Variants in XKR4 observed in about 807,000 individuals in gnomAD.
XKR4 encodes XK-related protein 4.
In XKR4, 12 loss-of-function variants were observed where a neutral mutation model predicts 53.9. The observed-to-expected ratio is 0.22, with a 90% CI of 0.14 to 0.36. The LOEUF is 0.36. XKR4 is among the 10% of genes least tolerant of loss of function. The pLI is 1.00. For synonymous variants in XKR4, 354 were observed against 362.4 expected, an observed-to-expected ratio of 0.98 and a Z score of 0.26; for missense variants, 799 against 859.5, an observed-to-expected ratio of 0.93 and a Z score of 0.88.
intron 1 of XKR4, among the ~76,000 whole-genome samples, chr8:55,343,669 G>T (rs1458022510): frequency 6.6e-6 from 1 of 152,190 alleles, no homozygotes; most frequent in African/African-American, 2.4e-5. Flanking sequence ...GGGCATTGCT[G>T]CTTTCAAGAA....
chr8:55,436,285 C>A (rs1356954567), intron 2 of XKR4, among the ~76,000 whole-genome samples: 1 of 152,152 alleles, frequency 6.6e-6, no homozygotes, highest in East Asian at 1.9e-4. Flanking sequence ...AAAATTTAAC[C>A]CTTGAGAGTC....
intron 2 of XKR4, among the ~76,000 whole-genome samples, chr8:55,498,388 G>A (rs1806388531): frequency 6.6e-6 from 1 of 152,168 alleles, no homozygotes; most frequent in South Asian, 2.1e-4. Context: ...CCTCTGCTTG[G>A]CCCGTGCAGC....
At chr8:55,307,190 G>A (rs1309271473) in intron 1 of XKR4, among the ~76,000 whole-genome samples, 1 of 152,108 alleles carries the variant, frequency 6.6e-6, no homozygotes, top group African/African-American at 2.4e-5. Context: ...CTCTGCTAAG[G>A]GGATGAAAAG....
At chr8:55,513,265 A>G (rs1806655813) in intron 2 of XKR4, among the ~76,000 whole-genome samples, 1 of 152,188 alleles carries the variant, frequency 6.6e-6, no homozygotes, top group African/African-American at 2.4e-5. Context: ...TCCCCTAAAT[A>G]GGCCAGTAAC....
chr8:55,392,344 A>G (rs1173413690), intron 2 of XKR4, among the ~76,000 whole-genome samples: 2 of 152,204 alleles, frequency 1.3e-5, no homozygotes, highest in Non-Finnish European at 2.9e-5. Context: ...CAAAGAGGCT[A>G]CCAAAGACTC....
intron 2 of XKR4, among the ~76,000 whole-genome samples, chr8:55,509,796 T>C (rs1373001815): frequency 6.6e-6 from 1 of 152,186 alleles, no homozygotes; most frequent in Non-Finnish European, 1.5e-5. Flanking sequence ...AGAGGGATCC[T>C]TAATAGGTCT....
In XKR4 at chr8:55,525,643, C is replaced by T. The variant is rs1400272111; in HGVS notation, c.*1416C>T. 4 of 152,426 alleles carry T rather than the reference C, an allele frequency of 2.6e-5. No individual in the cohort carries two copies. The highest frequency in any genetic ancestry group is 9.7e-5 in the African/African-American group (4 of 41,386). 9.4% of individuals were successfully genotyped at this position (152,426 alleles called of 1,614,324 possible). A position where few individuals can be genotyped will look rare whatever the true frequency, so the allele number is the denominator to read the frequency against. On this transcript the variant is annotated 3_prime_UTR_variant, in exon 3 of 3. Transcript: ENST00000327381. ...CAGTGTCCTCGGTCATGGTGCTTTTCGTTGCATTAAAAGTGCCGGTCAAAC... is the reference window on the plus strand; with the variant it reads ...CAGTGTCCTCGGTCATGGTGCTTTTTGTTGCATTAAAAGTGCCGGTCAAAC...
intron 2 of XKR4, chr8:55,451,929 G>T: frequency 1.3e-6 from 1 of 788,986 alleles, no homozygotes. Flanking sequence ...GGTCCTCAGA[G>T]GGCGGCTGGC....
intron 2 of XKR4, among the ~76,000 whole-genome samples, chr8:55,505,029 G>C (rs1421958787): frequency 6.6e-6 from 1 of 151,166 alleles, no homozygotes; most frequent in Non-Finnish European, 1.5e-5. Context: ...TTTCTCTATT[G>C]TTTTTCTATT....
At chr8:55,104,542 C>CT (rs1001613129) in intron 1 of XKR4, among the ~76,000 whole-genome samples, 1 of 152,174 alleles carries the variant, frequency 6.6e-6, no homozygotes, top group Non-Finnish European at 1.5e-5. Context: ...CCACAAACTT[C>CT]TTTTTATTTA....
intron 1 of XKR4, among the ~76,000 whole-genome samples, chr8:55,170,189 G>A (rs1026756402): frequency 6.6e-6 from 1 of 152,078 alleles, no homozygotes; most frequent in Non-Finnish European, 1.5e-5. Context: ...GCAGAATAAC[G>A]GGCCCCCCAA....
chr8:55,116,743 G>A (rs891967256), intron 1 of XKR4, among the ~76,000 whole-genome samples: 1 of 152,120 alleles, frequency 6.6e-6, no homozygotes, highest in African/African-American at 2.4e-5. Context: ...CACTTTTCTT[G>A]CTAGGGTTCC....
intron 1 of XKR4, among the ~76,000 whole-genome samples, chr8:55,320,495 G>A (rs900267650): frequency 2.0e-5 from 3 of 152,182 alleles, no homozygotes; most frequent in Non-Finnish European, 2.9e-5. Context: ...GTAGAAGGGG[G>A]AGAAAGTTTC....
rs77142212 is a variant in XKR4, at chr8:55,220,695, G to A, written c.806+117401G>A. On this transcript the variant is annotated intron_variant, in intron 1 of 2. Transcript: ENST00000327381. Reference sequence around the variant, plus strand: ...ACCCAGCCAGTTTGGTTTGAACTCCGACCACCTTCTAGGTCTTACTGTCTC... The same window carrying A: ...ACCCAGCCAGTTTGGTTTGAACTCCAACCACCTTCTAGGTCTTACTGTCTC... Among the ~76,000 whole-genome samples the A allele has an allele frequency of 4.6e-3, 707 of 152,218 alleles. 6 individuals carry two copies. The highest frequency in any genetic ancestry group is 0.016 in the African/African-American group (658 of 41,528).
At chr8:55,405,470 G>A (rs188868821) in intron 2 of XKR4, among the ~76,000 whole-genome samples, 27 of 152,302 alleles carry the variant, frequency 1.8e-4, no homozygotes, top group African/African-American at 5.3e-4. Context: ...GCCGAGAGAC[G>A]CAGCAGGTCA....
chr8:55,399,710 CTGGATAATGGCA>C (rs1804571322), intron 2 of XKR4, among the ~76,000 whole-genome samples: 2 of 152,224 alleles, frequency 1.3e-5, no homozygotes, highest in Non-Finnish European at 2.9e-5. Context: ...GGCAGCCTGG[CTGGATAATGGCA>C]AGGAACAGAC....
At chr8:55,392,511 C>T (rs1234495138) in intron 2 of XKR4, among the ~76,000 whole-genome samples, 1 of 152,148 alleles carries the variant, frequency 6.6e-6, no homozygotes, top group Non-Finnish European at 1.5e-5. Context: ...TTAAAAGAGG[C>T]CGAGCATGGT....
chr8:55,188,064 C>A (rs1817401639), intron 1 of XKR4, among the ~76,000 whole-genome samples: 1 of 151,940 alleles, frequency 6.6e-6, no homozygotes, highest in South Asian at 2.1e-4. Flanking sequence ...CATTTTTTAA[C>A]CTGTTAAAGT....
intron 2 of XKR4, among the ~76,000 whole-genome samples, chr8:55,381,400 G>C (rs1804230950): frequency 2.6e-5 from 4 of 152,134 alleles, no homozygotes; most frequent in Admixed American, 2.6e-4. Context: ...AGGCTAAAAG[G>C]TCCCACTCTA....
Sources: allele counts gnomAD v4.1 joint callset (sites outside exome capture counted in the v4.1 genomes callset), GRCh38; gene constraint gnomAD v4.1.1; transcripts MANE v1.5; gene names NCBI Gene and HGNC (gene_info 2026-07-23, HGNC 2026-07-21).